ZZEF1: variants seen among roughly 807,000 people sequenced by gnomAD.
The protein encoded by ZZEF1 is zinc finger ZZ-type and EF-hand domain containing 1.
A neutral mutation model predicts 342.8 loss-of-function variants in ZZEF1; 157 were observed. That is an observed-to-expected ratio of 0.46 (90% CI 0.40 to 0.52). The LOEUF (loss-of-function observed/expected upper bound fraction) is 0.52. Among genes scored for constraint, ZZEF1 ranks in the 20% least tolerant of loss-of-function variants. The pLI, the probability that ZZEF1 is intolerant of heterozygous loss-of-function variation, is 0.00. For missense variants in ZZEF1, 3,480 were observed against 3,725.6 expected (o/e 0.93, Z 1.72); for synonymous variants, 1,505 against 1,429.1 (o/e 1.05, Z -1.20).
intron 31 of ZZEF1, 84 bp from the exon 32 acceptor site, chr17:4,058,239 T>C: frequency 2.1e-6 from 3 of 1,449,330 alleles, no homozygotes; most frequent in South Asian, 1.4e-5. Context: ...GTGACCTGGT[T>C]TGCAATTGAA....
rs748523734 is a variant in ZZEF1 at position 4,074,219 on chromosome 17, A to T, written c.3616T>A (p.Leu1206Ile). 1.9e-6 allele frequency: 3 copies of T among 1,614,094 alleles called. No individual in the cohort carries two copies. Among genetic ancestry groups the T allele is most frequent in the South Asian group, 2.2e-5 (2 of 91,082 alleles). ...PDVAVSWGLD[L>I]QLLVSRLMGR... The stretch of plus-strand genomic sequence containing the variant: ...ATCAGCCGGGAGACGAGGAGCTGTA[A>T]ATCCAGCCCCCAAGACACGGCAACA... The change falls in exon 24 of 55, where the codon TTA becomes ATA. Residue 1206 changes from leucine (L) to isoleucine (I), a missense_variant. Leu to Ile is a conservative substitution (Grantham distance 5). Coordinates refer to ENST00000381638, the MANE Select transcript of ZZEF1 (RefSeq NM_015113.4).
At chr17:4,044,000 A>G (rs2056856423) in intron 38 of ZZEF1, among the ~76,000 whole-genome samples, 1 of 152,236 alleles carries the variant, frequency 6.6e-6, no homozygotes, top group Admixed American at 6.5e-5. Flanking sequence ...TGTTTGGCAT[A>G]TAGAAAGCAC....
intron 23 of ZZEF1, 136 bp from the exon 24 acceptor site, chr17:4,074,487 G>T (rs2057570391): frequency 1.1e-6 from 1 of 907,866 alleles, no homozygotes; most frequent in Admixed American, 2.1e-5. Context: ...GACTAACGGA[G>T]AAATGTACAA....
intron 39 of ZZEF1, among the ~76,000 whole-genome samples, chr17:4,041,228 G>A (rs1027885444): frequency 3.3e-5 from 5 of 152,104 alleles, no homozygotes; most frequent in Admixed American, 6.6e-5. Flanking sequence ...CTAGTTCCAC[G>A]TGCACCATAC....
At chr17:4,129,976 C>T (rs1716111393) in intron 1 of ZZEF1, among the ~76,000 whole-genome samples, 1 of 151,976 alleles carries the variant, frequency 6.6e-6, no homozygotes, top group African/African-American at 2.4e-5. Flanking sequence ...AACTCGAGAA[C>T]ACAAAGAAGA....
At chr17:4,031,650 T>C (rs2056551010) in intron 42 of ZZEF1, among the ~76,000 whole-genome samples, 1 of 152,206 alleles carries the variant, frequency 6.6e-6, no homozygotes, top group African/African-American at 2.4e-5. Context: ...AATGGGTAGA[T>C]ACTCCAGATT....
At chr17:4,094,933 G>A (rs1024073924) in intron 11 of ZZEF1, among the ~76,000 whole-genome samples, 3 of 152,132 alleles carry the variant, frequency 2.0e-5, no homozygotes, top group Non-Finnish European at 4.4e-5. Context: ...ACATGATCCT[G>A]ACCAGTGCTT....
chr17:4,096,781 A>G (rs1861215244), intron 9 of ZZEF1, 81 bp from the exon 10 acceptor site: 1 of 1,121,274 alleles, frequency 8.9e-7, no homozygotes, highest in East Asian at 2.4e-5. Flanking sequence ...AACAAACCAT[A>G]TCCTTTGAGT....
intron 18 of ZZEF1, among the ~76,000 whole-genome samples, chr17:4,080,407 T>C (rs2057701423): frequency 6.6e-6 from 1 of 152,136 alleles, no homozygotes; most frequent in African/African-American, 2.4e-5. Flanking sequence ...TGGCGCGATC[T>C]TGGCTCACTA....
chr17:4,064,974 A>G (rs954541345), intron 28 of ZZEF1, 145 bp from the exon 29 acceptor site: 2 of 606,420 alleles, frequency 3.3e-6, no homozygotes, highest in African/African-American at 1.8e-5. Flanking sequence ...ACATGTATAC[A>G]TATGTAACAA....
chr17:4,114,632 A>G (rs1043118764), intron 3 of ZZEF1, among the ~76,000 whole-genome samples, 162 bp from the exon 4 acceptor site: 2 of 152,204 alleles, frequency 1.3e-5, no homozygotes, highest in African/African-American at 4.8e-5. Flanking sequence ...CATCAGTGTC[A>G]TGAGTGGGTT....
In ZZEF1 at chr17:4,096,655, G is replaced by T. The variant is rs1175470725; in HGVS notation, c.1718C>A (p.Ser573Tyr). ...TGKTRASTIF[S>Y]TGTESAFQVT... ...TTGGAAGGCAGATTCAGTTCCGGTA[G>T]AAAAAATAGTGCTGGCTCTGGTTTT... The change falls in exon 10 of 55, where the codon TCT becomes TAT. Residue 573 changes from serine (S) to tyrosine (Y), a missense_variant. Around this residue, in one of 5 missense-constraint regions of ZZEF1, gnomAD observed 1,528 missense variants for 1,624.1 expected, o/e 0.94. Transcript: ENST00000381638. The T allele has an allele frequency of 1.2e-6, 2 of 1,614,082 alleles. No homozygotes were observed. The highest frequency in any genetic ancestry group is 1.7e-5 in the Admixed American group (1 of 60,014).
chr17:4,051,835 G>C lies in ZZEF1; in HGVS notation c.5600+136C>G, dbSNP rs2057053542. 3.5e-6 allele frequency: 3 copies of C among 845,780 alleles called. No homozygotes were observed. The Admixed American group carries it at 9.1e-5, about 26-fold the overall frequency. 52.4% of individuals were successfully genotyped at this position (845,780 alleles called of 1,614,324 possible). ...GGTAATGGGTACATGAAGGTTCACTGTGTTAGTCTCTTTACTTTTGGTTAT... is the reference window on the plus strand; with the variant it reads ...GGTAATGGGTACATGAAGGTTCACTCTGTTAGTCTCTTTACTTTTGGTTAT... On this transcript the variant is annotated intron_variant, in intron 35 of 54. Coordinates refer to ENST00000381638, the MANE Select transcript of ZZEF1 (RefSeq NM_015113.4).
chr17:4,012,461 GTGTGTC>G (rs779244378), intron 52 of ZZEF1, among the ~76,000 whole-genome samples: 51 of 152,202 alleles, frequency 3.4e-4, no homozygotes, highest in Non-Finnish European at 5.9e-4. Context: ...CTAGCATTCT[GTGTGTC>G]TGTGTCTGTG....
Position 4,142,778 on chromosome 17 carries a change from C to A in ZZEF1, c.118G>T (p.Ala40Ser). ...GCGGCGGGTGGTAGCGCTGGAGCCG[C>A]GACGCCCGGGCCGGGGGTCGTGCCC... is the stretch of plus-strand genomic sequence containing the variant. ...VSGTTPGPGV[A>S]APALPPAAAL... Residue 40 changes from alanine to serine, a missense_variant, in exon 1 of 55, where the codon GCG becomes TCG. Around this residue, in one of 5 missense-constraint regions of ZZEF1, gnomAD observed 416 missense variants for 374.2 expected, o/e 1.11. Transcript: ENST00000381638. The A allele has an allele frequency of 7.0e-7, 1 of 1,427,632 alleles. No individual in the cohort carries two copies. The highest frequency in any genetic ancestry group is 9.1e-7 in the Non-Finnish European group (1 of 1,101,482). 88.4% of individuals were successfully genotyped at this position (1,427,632 alleles called of 1,614,324 possible). A position where few individuals can be genotyped will look rare whatever the true frequency, so the allele number is the denominator to read the frequency against.
At chr17:4,093,998 T>A (rs1374898208) in intron 11 of ZZEF1, among the ~76,000 whole-genome samples, 1 of 152,150 alleles carries the variant, frequency 6.6e-6, no homozygotes, top group Non-Finnish European at 1.5e-5. Context: ...ACAGCTTTCC[T>A]TCATGAGGCC....
In ZZEF1 at chr17:4,054,063, A is replaced by C; in HGVS notation, c.5428T>G (p.Phe1810Val). 1.9e-6 allele frequency: 3 copies of C among 1,610,022 alleles called. No homozygotes were observed. Among genetic ancestry groups the C allele is most frequent in the Non-Finnish European group, 2.5e-6 (3 of 1,177,728 alleles). ...CSDMDLCKTC[F>V]LGGVKPEGHG... ...CCCAGTTCATGAAATTTACCTAGGAAGCAAGTTTTGCAGAGATCCATGTCG... is the reference window on the plus strand; with the variant it reads ...CCCAGTTCATGAAATTTACCTAGGACGCAAGTTTTGCAGAGATCCATGTCG... The change falls in exon 34 of 55, where the codon TTC becomes GTC. Residue 1810 changes from phenylalanine (F) to valine (V), a missense_variant. This residue lies in a region of ZZEF1 where 175 missense variants were observed against 254.6 expected (regional missense o/e 0.69). Transcript: ENST00000381638.
chr17:4,037,167 A>C (rs1427219476), intron 39 of ZZEF1, among the ~76,000 whole-genome samples: 2 of 152,134 alleles, frequency 1.3e-5, no homozygotes, highest in African/African-American at 2.4e-5. Flanking sequence ...TAAATAAATA[A>C]ATTGTTTGAT....
chr17:4,117,209 A>G, intron 2 of ZZEF1, 43 bp from the exon 3 acceptor site: 2 of 1,538,706 alleles, frequency 1.3e-6, no homozygotes, highest in Non-Finnish European at 1.8e-6. Flanking sequence ...GGGAAGCCAC[A>G]GTAGTTTCCA....
Sources: allele counts gnomAD v4.1 joint callset (sites outside exome capture counted in the v4.1 genomes callset), GRCh38; gene constraint gnomAD v4.1.1; regional missense constraint gnomAD v4.1.1; transcripts MANE v1.5; gene names NCBI Gene and HGNC (gene_info 2026-07-23, HGNC 2026-07-21).